Variants in SMIM41 observed in about 807,000 individuals in gnomAD.
SMIM41 encodes small integral membrane protein 41.
At chr12:52,086,705 C>A (rs534274408) in intron 2 of SMIM41, among the ~76,000 whole-genome samples, 77 of 152,298 alleles carry the variant, frequency 5.1e-4, no homozygotes, top group Non-Finnish European at 9.1e-4. Flanking sequence ...GCTTTATGGC[C>A]ATGCCTTCTA....
At chr12:52,092,970 A>G (rs145558340) in intron 2 of SMIM41, among the ~76,000 whole-genome samples, 2,674 of 152,288 alleles carry the variant, frequency 0.018, 75 homozygotes, top group African/African-American at 0.061. Flanking sequence ...TCACGAGGTC[A>G]GGATATCGAG....
At chr12:52,097,256 C>T (rs1940115179) in intron 2 of SMIM41, among the ~76,000 whole-genome samples, 2 of 151,964 alleles carry the variant, frequency 1.3e-5, no homozygotes, top group Admixed American at 6.5e-5. Flanking sequence ...CGCCACGATG[C>T]GGGGAGTACT....
chr12:52,098,734 CG>C (rs34609593), intron 2 of SMIM41, among the ~76,000 whole-genome samples: 50,399 of 132,942 alleles, frequency 0.38, 9,143 homozygotes, highest in East Asian at 0.66. Context: ...AACAATATCA[CG>C]GGGGGGGGGG....
In SMIM41 at chr12:52,107,622, C is replaced by T; in HGVS notation, c.*439C>T. The T allele has an allele frequency of 1.7e-6, 1 of 605,096 alleles. No homozygotes were observed. The highest frequency in any genetic ancestry group is 1.4e-5 in the South Asian group (1 of 70,058). The allele number at this position is 605,096 out of a possible 1,614,324, so 37.5% of individuals were successfully genotyped here. Reference sequence around the variant, plus strand: ...CAGAGTCATCTCCTATGCAGGCTGCCTGACTCAGAAGTCTCTCTTTGCCAT... The same window carrying T: ...CAGAGTCATCTCCTATGCAGGCTGCTTGACTCAGAAGTCTCTCTTTGCCAT... On this transcript the variant is annotated 3_prime_UTR_variant, in exon 3 of 3. Coordinates refer to ENST00000546390, the MANE Select transcript of SMIM41 (RefSeq NM_001369216.1).
intron 2 of SMIM41, among the ~76,000 whole-genome samples, chr12:52,093,353 C>T (rs975951531): frequency 7.9e-5 from 12 of 152,152 alleles, no homozygotes; most frequent in Non-Finnish European, 1.8e-4. Context: ...ACTATTTTAC[C>T]CAAACTTTGT....
chr12:52,079,953 C>T lies in SMIM41; in HGVS notation c.174C>T (p.Leu58=). Residue 58 remains leucine, a synonymous_variant, in exon 1 of 3, where the codon CTC becomes CTT. Transcript: ENST00000546390. ...LCGVLFLGGG[L]LLRAQGLTAL... is the part of the protein sequence containing the mutation. ...GGGTCCTGTTCCTGGGCGGCGGCCT[C>T]CTCCTCCGCGCCCAGGGCCTGACAG... 2.6e-6 allele frequency: 1 copy of T among 385,062 alleles called. No homozygotes were observed. The highest frequency in any genetic ancestry group is 3.7e-5 in the East Asian group (1 of 26,670). 23.9% of individuals were successfully genotyped at this position (385,062 alleles called of 1,614,324 possible).
intron 2 of SMIM41, among the ~76,000 whole-genome samples, chr12:52,094,133 G>GGAA (rs1555172367): frequency 1.8e-4 from 23 of 128,600 alleles, no homozygotes; most frequent in Non-Finnish European, 7.9e-5. Flanking sequence ...TCCATCTCCG[G>GGAA]AAAAAAAAAA....
chr12:52,097,336 G>C (rs905068494), intron 2 of SMIM41, among the ~76,000 whole-genome samples: 2 of 151,118 alleles, frequency 1.3e-5, no homozygotes, highest in African/African-American at 4.8e-5. Context: ...CCACGATGCG[G>C]GGAGAAATAT....
chr12:52,104,438 T>C (rs1189567542), intron 2 of SMIM41: 4,519 of 160,906 alleles, frequency 0.028, no homozygotes, highest in African/African-American at 0.095. Context: ...GCCTTGAGGA[T>C]GGAGTCTGAG....
intron 2 of SMIM41, among the ~76,000 whole-genome samples, chr12:52,086,244 C>T (rs1381421843): frequency 1.3e-5 from 2 of 151,936 alleles, no homozygotes; most frequent in African/African-American, 4.8e-5. Context: ...TGAGAGGGGA[C>T]CTGCAGCCTG....
At chr12:52,096,298 A>G (rs907887082) in intron 2 of SMIM41, among the ~76,000 whole-genome samples, 46 of 151,954 alleles carry the variant, frequency 3.0e-4, no homozygotes, top group Admixed American at 2.9e-3. Flanking sequence ...GTGGATGTAC[A>G]CCCACTGCTA....
At chr12:52,100,725 G>A (rs1228000308) in intron 2 of SMIM41, among the ~76,000 whole-genome samples, 8 of 146,776 alleles carry the variant, frequency 5.5e-5, no homozygotes, top group Non-Finnish European at 8.9e-5. Flanking sequence ...CACCCACTTC[G>A]GCCCCCCAAA....
chr12:52,106,419 T>C (rs974076757), intron 2 of SMIM41, among the ~76,000 whole-genome samples: 1 of 152,212 alleles, frequency 6.6e-6, no homozygotes, highest in African/African-American at 2.4e-5. Flanking sequence ...CTCAGCTCAC[T>C]GTAGCCTCTG....
chr12:52,097,850 A>G, intron 2 of SMIM41, among the ~76,000 whole-genome samples: 1 of 151,826 alleles, frequency 6.6e-6, no homozygotes, highest in Non-Finnish European at 1.5e-5. Flanking sequence ...CTTGTGATAT[A>G]GAGAGTAGTA....
chr12:52,102,082 A>G (rs1940227658), intron 2 of SMIM41, among the ~76,000 whole-genome samples: 1 of 152,018 alleles, frequency 6.6e-6, no homozygotes, highest in African/African-American at 2.4e-5. Flanking sequence ...CTTCTCACCT[A>G]TATGTTCAAG....
rs559100807 is a variant in SMIM41 at position 52,081,360 on chromosome 12, G to T, written c.*120+1179G>T. ...GAGTCAGGCTGAGTGCCTGTGAGGG[G>T]CAGCGGGAGGGTGTGGGCAGGTGCA... On this transcript the variant is annotated intron_variant, in intron 1 of 2. Coordinates refer to ENST00000546390, the MANE Select transcript of SMIM41 (RefSeq NM_001369216.1). This position sits in a 1 kb window ranked among gnomAD's most constrained non-coding sequence, Gnocchi z 4.1. Among the ~76,000 whole-genome samples, 2 of 152,188 alleles carry T rather than the reference G, an allele frequency of 1.3e-5. No individual in the cohort carries two copies. Among genetic ancestry groups the T allele is most frequent in the African/African-American group, 2.4e-5 (1 of 41,518 alleles).
intron 2 of SMIM41, among the ~76,000 whole-genome samples, chr12:52,089,076 C>T (rs943128241): frequency 1.5e-4 from 23 of 151,874 alleles, no homozygotes; most frequent in African/African-American, 4.8e-4. Flanking sequence ...GGAACAAAAC[C>T]GGTGGAATTC....
At chr12:52,082,877 T>A (rs1023950741) in intron 1 of SMIM41, among the ~76,000 whole-genome samples, 2 of 152,192 alleles carry the variant, frequency 1.3e-5, no homozygotes, top group African/African-American at 4.8e-5. Flanking sequence ...CCCCACATCG[T>A]CTGCCAGCAA....
intron 2 of SMIM41, among the ~76,000 whole-genome samples, chr12:52,099,205 C>G (rs1166567429): frequency 1.3e-5 from 2 of 151,568 alleles, no homozygotes; most frequent in Non-Finnish European, 2.9e-5. Context: ...GTGTACACTC[C>G]CTGCAACATG....
Sources: allele counts gnomAD v4.1 joint callset (sites outside exome capture counted in the v4.1 genomes callset), GRCh38; gene constraint gnomAD v4.1.1; non-coding constraint Gnocchi (gnomAD v3.1); transcripts MANE v1.5; gene names NCBI Gene and HGNC (gene_info 2026-07-23, HGNC 2026-07-21).